Variants in SNTG2 observed in about 807,000 individuals in gnomAD.
SNTG2 encodes the protein syntrophin gamma 2.
In SNTG2, 74 loss-of-function variants were observed where a neutral mutation model predicts 70.9. The ratio of observed to expected loss-of-function variants is 1.04; its 90% confidence interval spans 0.86 to 1.27. The LOEUF is 1.27. SNTG2 is among the 50% of genes most tolerant of loss of function. SNTG2 has a pLI of 0.00. For synonymous variants in SNTG2, 278 were observed against 273.8 expected (o/e 1.02, Z -0.15); for missense variants, 717 against 690.7 (o/e 1.04, Z -0.43).
chr2:1,181,656 C>G (rs185124757), intron 8 of SNTG2, among the ~76,000 whole-genome samples: 102 of 152,172 alleles, frequency 6.7e-4, no homozygotes, highest in Non-Finnish European at 8.2e-4. Flanking sequence ...CCTGAGCTAC[C>G]TTATATATTT....
intron 9 of SNTG2, among the ~76,000 whole-genome samples, chr2:1,221,311 CTGTCTCTCCCTG>C (rs1674767657): frequency 2.6e-5 from 4 of 152,032 alleles, no homozygotes; most frequent in African/African-American, 9.6e-5. Flanking sequence ...CTCTCTGTCT[CTGTCTCTCCCTG>C]TCTCTGTCTC....
At chr2:1,031,538 T>C (rs1374677703) in intron 1 of SNTG2, among the ~76,000 whole-genome samples, 3 of 69,202 alleles carry the variant, frequency 4.3e-5, no homozygotes, top group Non-Finnish European at 8.9e-5. Context: ...ATTTTTTTTT[T>C]TTTTTTTTTT....
chr2:1,156,260 G>A (rs1444554878), intron 6 of SNTG2, among the ~76,000 whole-genome samples: 56 of 152,218 alleles, frequency 3.7e-4, no homozygotes, highest in Admixed American at 3.7e-3. Flanking sequence ...GAGGCTCAAA[G>A]GGAGGGATTC....
rs1455053369 is a variant in SNTG2, at chr2:1,087,929, T to A, written c.210+4274T>A. ...AGTTTATGATAAATTCTATACACAA[T>A]ATACAAAATTCTACACTTGCTTGTC... On this transcript the variant is annotated intron_variant, in intron 2 of 16. Coordinates refer to ENST00000308624, the MANE Select transcript of SNTG2 (RefSeq NM_018968.4). Among the ~76,000 whole-genome samples the A allele has an allele frequency of 2.0e-5, 3 of 152,216 alleles. No homozygotes were observed. In the East Asian group the frequency reaches 5.8e-4, roughly 29 times the overall value.
At chr2:977,208 A>G (rs1412687512) in intron 1 of SNTG2, among the ~76,000 whole-genome samples, 1 of 152,180 alleles carries the variant, frequency 6.6e-6, no homozygotes, top group Non-Finnish European at 1.5e-5. Flanking sequence ...GAGACAACGG[A>G]TTGTCCTAGT....
At chr2:1,279,928 C>T (rs940742122) in intron 14 of SNTG2, among the ~76,000 whole-genome samples, 2 of 152,170 alleles carry the variant, frequency 1.3e-5, no homozygotes, top group South Asian at 4.1e-4. Flanking sequence ...AGTCACTGAA[C>T]CTTCCTAAGA....
chr2:1,325,320 A>C (rs548316121), intron 16 of SNTG2, among the ~76,000 whole-genome samples: 6 of 152,372 alleles, frequency 3.9e-5, no homozygotes, highest in Non-Finnish European at 5.9e-5. Context: ...TTTTGCTCAC[A>C]AAAGTATAGT....
chr2:1,228,663 G>A (rs181705814), intron 9 of SNTG2, among the ~76,000 whole-genome samples: 6 of 152,216 alleles, frequency 3.9e-5, no homozygotes, highest in South Asian at 2.1e-4. Flanking sequence ...TGCTCCGTTC[G>A]TTGTCAGGTG....
chr2:1,284,576 A>C (rs1391642026), intron 14 of SNTG2, among the ~76,000 whole-genome samples: 4 of 152,220 alleles, frequency 2.6e-5, no homozygotes, highest in African/African-American at 9.6e-5. Flanking sequence ...GGAGACGCCA[A>C]ACCAATTGTT....
chr2:1,150,509 G>A (rs1215696695), intron 6 of SNTG2, among the ~76,000 whole-genome samples: 1 of 152,156 alleles, frequency 6.6e-6, no homozygotes, highest in Non-Finnish European at 1.5e-5. Context: ...CTGGGGGCTT[G>A]GTGTGCGCCT....
chr2:1,210,180 G>T (rs990456433), intron 9 of SNTG2, among the ~76,000 whole-genome samples: 1 of 152,162 alleles, frequency 6.6e-6, no homozygotes, highest in African/African-American at 2.4e-5. Context: ...TCATGTTTGC[G>T]GAAGGATGTT....
At chr2:1,083,497 G>C (rs1198881317) in intron 1 of SNTG2, 21 bp from the exon 2 acceptor site, 1 of 1,611,060 alleles carries the variant, frequency 6.2e-7, no homozygotes, top group South Asian at 1.1e-5. Flanking sequence ...ATTTTTTTGT[G>C]TTTCCACTTT....
intron 1 of SNTG2, among the ~76,000 whole-genome samples, chr2:991,139 G>A (rs886666170): frequency 6.6e-6 from 1 of 152,236 alleles, no homozygotes; most frequent in East Asian, 1.9e-4. Flanking sequence ...CTGGTAATGA[G>A]ATGATTTAGT....
intron 16 of SNTG2, among the ~76,000 whole-genome samples, chr2:1,319,348 T>A (rs1681422672): frequency 6.6e-6 from 1 of 152,190 alleles, no homozygotes; most frequent in African/African-American, 2.4e-5. Context: ...TTTGTGGAAA[T>A]TTTTTATGAA....
chr2:1,068,514 C>G (rs1378267417), intron 1 of SNTG2, among the ~76,000 whole-genome samples: 1 of 152,122 alleles, frequency 6.6e-6, no homozygotes, highest in African/African-American at 2.4e-5. Flanking sequence ...CAGGCATATT[C>G]TTAAAAATAT....
intron 16 of SNTG2, among the ~76,000 whole-genome samples, chr2:1,320,459 G>T (rs548193070): frequency 6.7e-6 from 1 of 150,216 alleles, no homozygotes; most frequent in African/African-American, 2.5e-5. Context: ...GTGAACCCGG[G>T]AGGCAGAGCT....
chr2:1,113,555 TGAG>T (rs1434247976), intron 4 of SNTG2, among the ~76,000 whole-genome samples: 1 of 151,736 alleles, frequency 6.6e-6, no homozygotes, highest in Non-Finnish European at 1.5e-5. Flanking sequence ...TACAGTCCTT[TGAG>T]GAGGATCGTG....
intron 1 of SNTG2, among the ~76,000 whole-genome samples, chr2:1,058,043 A>G (rs1038887954): frequency 2.0e-5 from 3 of 152,130 alleles, no homozygotes; most frequent in Admixed American, 2.0e-4. Context: ...ACAAAAAATA[A>G]AAAGCTTTAA....
chr2:1,027,522 G>A (rs531207778), intron 1 of SNTG2, among the ~76,000 whole-genome samples: 15 of 148,980 alleles, frequency 1.0e-4, no homozygotes, highest in East Asian at 4.0e-4. Flanking sequence ...CTGACCCACA[G>A]TCACTATCCA....
Sources: allele counts gnomAD v4.1 joint callset (sites outside exome capture counted in the v4.1 genomes callset), GRCh38; gene constraint gnomAD v4.1.1; transcripts MANE v1.5; gene names NCBI Gene and HGNC (gene_info 2026-07-23, HGNC 2026-07-21).